The following RPN2 variants were observed in gnomAD, a reference collection of about 807,000 sequenced individuals.
RPN2 encodes dolichyl-diphosphooligosaccharide--protein glycosyltransferase subunit 2.
Under a neutral mutation model 71.4 loss-of-function variants are expected in RPN2, and 29 were observed. That is an observed-to-expected ratio of 0.41 (90% CI 0.30 to 0.55). The LOEUF is 0.55. Ranked by LOEUF, RPN2 falls within the 20% of genes least tolerant of loss-of-function variation. RPN2 has a pLI of 0.35. For synonymous variants in RPN2, 308 were observed against 305.0 expected (o/e 1.01, Z -0.10); for missense variants, 726 against 774.1 (o/e 0.94, Z 0.74).
At chr20:37,205,538 G>A (rs751931640) in intron 6 of RPN2, among the ~76,000 whole-genome samples, 18 of 152,072 alleles carry the variant, frequency 1.2e-4, no homozygotes, top group Non-Finnish European at 2.1e-4. Flanking sequence ...AATACAAGCT[G>A]CTTTTATTTA....
Position 37,229,779 on chromosome 20 carries a change from C to T in RPN2, c.1495-194C>T, listed in dbSNP as rs553553741. The T allele has an allele frequency of 6.3e-6, 4 of 630,586 alleles. No individual in the cohort carries two copies. In the South Asian group the frequency reaches 7.3e-5, roughly 12 times the overall value. The allele number at this position is 630,586 out of a possible 1,614,324, so 39.1% of individuals were successfully genotyped here. A position where few individuals can be genotyped will look rare whatever the true frequency, so the allele number is the denominator to read the frequency against. ...AAATTAGAAGTCTTGCTCTAAAAAG[C>T]ATTTTCAGCAAATACTTGTTTTGTT... On this transcript the variant is annotated intron_variant, in intron 12 of 16. Transcript: ENST00000237530.
intron 2 of RPN2, among the ~76,000 whole-genome samples, chr20:37,193,682 T>C (rs1001120372): frequency 1.3e-5 from 2 of 152,190 alleles, no homozygotes; most frequent in Non-Finnish European, 2.9e-5. Context: ...CTGCTTCTGC[T>C]GCATGGATGG....
intron 12 of RPN2, among the ~76,000 whole-genome samples, chr20:37,229,138 A>G (rs992708369): frequency 6.6e-6 from 1 of 152,230 alleles, no homozygotes; most frequent in Non-Finnish European, 1.5e-5. Flanking sequence ...GAATTCTGAT[A>G]ACAATTCAGG....
intron 4 of RPN2, chr20:37,200,328 T>A (rs184064744): frequency 2.5e-4 from 91 of 360,708 alleles, no homozygotes; most frequent in Admixed American, 7.9e-4. Context: ...AGATGGGGCC[T>A]GTCTGTGTTG....
chr20:37,223,244 G>A (rs2068001995), intron 9 of RPN2, among the ~76,000 whole-genome samples: 1 of 152,206 alleles, frequency 6.6e-6, no homozygotes, highest in African/African-American at 2.4e-5. Context: ...ATGCTCAGAA[G>A]GAGAATGAGA....
Position 37,184,212 on chromosome 20 carries a change from A to G in RPN2, c.46A>G (p.Ile16Val). ...SSTVFLLALT[I>V]IASTWALTPT... ...CACTGTCTTCCTGTTGGCCCTGACA[A>G]TCATAGCCAGCACCTGGGCTCTGAC... The change falls in exon 2 of 17, where the codon ATC (isoleucine) becomes GTC (valine). Residue 16 changes from isoleucine (I) to valine (V), a missense_variant. By Grantham distance (29) the Ile-to-Val change is conservative. Coordinates refer to ENST00000237530, the MANE Select transcript of RPN2 (RefSeq NM_002951.5). The G allele has an allele frequency of 2.5e-6, 4 of 1,614,116 alleles. No homozygotes were observed. Among genetic ancestry groups the G allele is most frequent in the South Asian group, 1.1e-5 (1 of 91,082 alleles).
intron 2 of RPN2, among the ~76,000 whole-genome samples, chr20:37,193,763 T>A: frequency 6.6e-6 from 1 of 152,172 alleles, no homozygotes; most frequent in Non-Finnish European, 1.5e-5. Context: ...ATCACGAATT[T>A]GGTCTTTACC....
At position 37,241,482 on chromosome 20, in the gene RPN2, C is replaced by A; in HGVS notation, c.*167C>A. 1.3e-6 allele frequency: 1 copy of A among 744,796 alleles called. No homozygotes were observed. The highest frequency in any genetic ancestry group is 2.3e-6 in the Non-Finnish European group (1 of 437,792). The allele number at this position is 744,796 out of a possible 1,614,324, so 46.1% of individuals were successfully genotyped here. A position where few individuals can be genotyped will look rare whatever the true frequency, so the allele number is the denominator to read the frequency against. On this transcript the variant is annotated 3_prime_UTR_variant, in exon 17 of 17. Coordinates refer to ENST00000237530, the MANE Select transcript of RPN2 (RefSeq NM_002951.5). Reference sequence around the variant, plus strand: ...GTTTTTCAGTTTCCCCAACACACAGCAGATACCTGGTGAGCTCAGATAGTC... The same window carrying A: ...GTTTTTCAGTTTCCCCAACACACAGAAGATACCTGGTGAGCTCAGATAGTC...
Position 37,236,694 on chromosome 20 carries a change from A to C in RPN2, c.1868A>C (p.Gln623Pro). The C allele has an allele frequency of 6.2e-7, 1 of 1,614,156 alleles. No homozygotes were observed. Among genetic ancestry groups the C allele is most frequent in the Non-Finnish European group, 8.5e-7 (1 of 1,179,974 alleles). Reference sequence around the variant, plus strand: ...CTGGCTGGCAATCGGATGCTGGCCCAGCAGGCAGTCAAGAGGTAAGGCCAG... The same window carrying C: ...CTGGCTGGCAATCGGATGCTGGCCCCGCAGGCAGTCAAGAGGTAAGGCCAG... Reference protein sequence around the residue: ...TFLAGNRMLAQQAVKRTAH With the variant: ...TFLAGNRMLAPQAVKRTAH Residue 623 changes from glutamine to proline, a missense_variant, in exon 16 of 17, where the codon CAG becomes CCG. Physicochemically the swap from Gln to Pro is moderately conservative, Grantham distance 76. Transcript: ENST00000237530.
chr20:37,224,926 A>G (rs1368855295), intron 10 of RPN2, among the ~76,000 whole-genome samples: 2 of 152,198 alleles, frequency 1.3e-5, no homozygotes, highest in Non-Finnish European at 2.9e-5. Flanking sequence ...TTAAGAATCC[A>G]CTGAAGAAAT....
chr20:37,208,534 T>C (rs2067576205), intron 7 of RPN2, among the ~76,000 whole-genome samples: 1 of 152,208 alleles, frequency 6.6e-6, no homozygotes, highest in African/African-American at 2.4e-5. Context: ...TATGTTATTT[T>C]ACGACAGCTG....
At chr20:37,198,077 A>C (rs1419611390) in intron 2 of RPN2, among the ~76,000 whole-genome samples, 1 of 152,222 alleles carries the variant, frequency 6.6e-6, no homozygotes, top group African/African-American at 2.4e-5. Context: ...ATCTCTACCA[A>C]AGGATCATGT....
chr20:37,220,480 G>C (rs2067926327), intron 9 of RPN2, among the ~76,000 whole-genome samples: 1 of 152,054 alleles, frequency 6.6e-6, no homozygotes, highest in African/African-American at 2.4e-5. Flanking sequence ...CATCATTTTT[G>C]ACAGTAATAA....
chr20:37,217,900 A>AT (rs1453681993), intron 9 of RPN2, among the ~76,000 whole-genome samples: 1 of 151,336 alleles, frequency 6.6e-6, no homozygotes, highest in African/African-American at 2.4e-5. Flanking sequence ...TGCCTGGCTA[A>AT]TTTTTTTGTA....
At chr20:37,223,414 C>G (rs984448761) in intron 9 of RPN2, among the ~76,000 whole-genome samples, 1 of 152,110 alleles carries the variant, frequency 6.6e-6, no homozygotes, top group Admixed American at 6.6e-5. Context: ...CTTTTATTTC[C>G]TTATCTGAAA....
chr20:37,191,625 G>C (rs2067142012), intron 2 of RPN2, among the ~76,000 whole-genome samples: 1 of 151,834 alleles, frequency 6.6e-6, no homozygotes, highest in Non-Finnish European at 1.5e-5. Flanking sequence ...AAAATTAGCT[G>C]GGCGTGGTGG....
At chr20:37,183,679 A>G (rs1318902695) in intron 1 of RPN2, among the ~76,000 whole-genome samples, 1 of 152,158 alleles carries the variant, frequency 6.6e-6, no homozygotes, top group African/African-American at 2.4e-5. Flanking sequence ...TGTACTGGGG[A>G]ACTAATCCTA....
chr20:37,227,660 G>A (rs1600832719), intron 11 of RPN2, among the ~76,000 whole-genome samples: 1 of 152,166 alleles, frequency 6.6e-6, no homozygotes, highest in East Asian at 1.9e-4. Context: ...CTTGTGCCTT[G>A]TGATCTGTAA....
rs114238285 is a variant in RPN2, at chr20:37,181,769, T to C, written c.13+2400T>C. Reference sequence around the variant, plus strand: ...GTTTCCCACCAGATATCTTTATGACTTGCTTCTTCTTCAGATCTGTACTCA... The same window carrying C: ...GTTTCCCACCAGATATCTTTATGACCTGCTTCTTCTTCAGATCTGTACTCA... On this transcript the variant is annotated intron_variant, in intron 1 of 16. Coordinates refer to ENST00000237530, the MANE Select transcript of RPN2 (RefSeq NM_002951.5). 6.9e-3 allele frequency among the ~76,000 whole-genome samples: 1,053 copies of C among 152,320 alleles called. 14 individuals are homozygous for C. Among genetic ancestry groups the C allele is most frequent in the African/African-American group, 0.024 (1,005 of 41,568 alleles).
Sources: gnomAD v4.1 joint callset for allele counts (sites outside exome capture counted in the v4.1 genomes callset) on GRCh38, gnomAD v4.1.1 for gene constraint, MANE v1.5 for transcripts, NCBI Gene and HGNC (gene_info 2026-07-23, HGNC 2026-07-21) for gene names.